SLIT2: variants seen among roughly 807,000 people sequenced by gnomAD.
SLIT2 encodes the protein slit homolog 2 protein.
SLIT2 carries 41 observed loss-of-function variants against 185.7 expected under a neutral mutation model. The observed-to-expected ratio is 0.22, with a 90% CI of 0.17 to 0.29. SLIT2 has a LOEUF of 0.29. Ranked by LOEUF, SLIT2 falls within the 10% of genes least tolerant of loss-of-function variation. The pLI is 1.00. For synonymous variants in SLIT2, 693 were observed against 680.2 expected (o/e 1.02, Z -0.29); for missense variants, 1,571 against 1,909.0 (o/e 0.82, Z 3.30).
chr4:20,533,551 G>T, intron 17 of SLIT2, 21 bp from the exon 18 acceptor site: 2 of 1,575,350 alleles, frequency 1.3e-6, no homozygotes, highest in African/African-American at 1.4e-5. Flanking sequence ...TAAAACCTTT[G>T]TTCCAACAAT....
chr4:20,335,707 C>T (rs1436906239), intron 4 of SLIT2, among the ~76,000 whole-genome samples: 2 of 151,978 alleles, frequency 1.3e-5, no homozygotes, highest in African/African-American at 4.8e-5. Context: ...TAAAACTGCT[C>T]AAGTACTCCT....
intron 11 of SLIT2, among the ~76,000 whole-genome samples, chr4:20,512,453 G>GT (rs1349220522): frequency 6.6e-6 from 1 of 152,142 alleles, no homozygotes; most frequent in Non-Finnish European, 1.5e-5. Context: ...ATCTGCTTGG[G>GT]TTCACTTTTG....
At chr4:20,267,546 T>C (rs1713160973) in intron 3 of SLIT2, among the ~76,000 whole-genome samples, 1 of 151,870 alleles carries the variant, frequency 6.6e-6, no homozygotes, top group Admixed American at 6.6e-5. Flanking sequence ...TTTAAAAAAT[T>C]ATATCATTTT....
chr4:20,587,997 A>C (rs1464182384), intron 29 of SLIT2, among the ~76,000 whole-genome samples: 1 of 152,218 alleles, frequency 6.6e-6, no homozygotes, highest in Non-Finnish European at 1.5e-5. Context: ...TAAACAGCCT[A>C]TATCTCCATC....
intron 4 of SLIT2, chr4:20,393,804 A>G (rs1244263602): frequency 6.6e-6 from 1 of 152,094 alleles, no homozygotes; most frequent in Non-Finnish European, 1.5e-5. Context: ...GCTTATGCTC[A>G]TCACTGAAAA....
At chr4:20,390,759 ATTT>A (rs67798474) in intron 4 of SLIT2, among the ~76,000 whole-genome samples, 188 of 148,664 alleles carry the variant, frequency 1.3e-3, no homozygotes, top group Admixed American at 2.4e-3. Context: ...AAAAGATCTT[ATTT>A]TTTTTTTTTA....
chr4:20,589,005 T>C (rs1346845610), intron 29 of SLIT2, among the ~76,000 whole-genome samples: 3 of 152,256 alleles, frequency 2.0e-5, no homozygotes, highest in Non-Finnish European at 2.9e-5. Flanking sequence ...CAAGTGTTTT[T>C]CTTATAGACT....
intron 9 of SLIT2, among the ~76,000 whole-genome samples, chr4:20,496,237 A>G (rs1718217003): frequency 6.7e-6 from 1 of 149,820 alleles, no homozygotes; most frequent in Non-Finnish European, 1.5e-5. Flanking sequence ...TCTGTTTCCA[A>G]CTACAAATTC....
chr4:20,491,255 A>T (rs1027920858), intron 8 of SLIT2, among the ~76,000 whole-genome samples: 1 of 152,144 alleles, frequency 6.6e-6, no homozygotes, highest in Non-Finnish European at 1.5e-5. Context: ...GGCTTATCTA[A>T]TTTTTCCCCA....
chr4:20,571,925 T>C (rs1307490538), intron 29 of SLIT2, among the ~76,000 whole-genome samples: 1 of 152,244 alleles, frequency 6.6e-6, no homozygotes, highest in East Asian at 1.9e-4. Flanking sequence ...ATTATGTCAA[T>C]GGAAACAAAT....
At chr4:20,326,452 C>T (rs1044573789) in intron 4 of SLIT2, among the ~76,000 whole-genome samples, 3 of 151,954 alleles carry the variant, frequency 2.0e-5, no homozygotes, top group Non-Finnish European at 4.4e-5. Flanking sequence ...GTACCAAATC[C>T]CATATGGATT....
At chr4:20,542,365 G>C (rs1191893720) in intron 20 of SLIT2, 129 bp from the exon 21 acceptor site, 2 of 885,404 alleles carry the variant, frequency 2.3e-6, no homozygotes, top group African/African-American at 3.3e-5. Context: ...AATACTGAAT[G>C]TCCCGCAAAT....
chr4:20,514,061 G>C (rs1719981504), intron 11 of SLIT2, among the ~76,000 whole-genome samples: 1 of 152,168 alleles, frequency 6.6e-6, no homozygotes, highest in Non-Finnish European at 1.5e-5. Flanking sequence ...AATTGTGCTG[G>C]AGATCATGAT....
chr4:20,554,101 G>T, intron 26 of SLIT2, 133 bp downstream of exon 26: 1 of 751,098 alleles, frequency 1.3e-6, no homozygotes, highest in East Asian at 2.7e-5. Flanking sequence ...CCCATGCTTG[G>T]ACAAGACAGA....
At chr4:20,316,918 G>C (rs1718644548) in intron 4 of SLIT2, among the ~76,000 whole-genome samples, 1 of 150,790 alleles carries the variant, frequency 6.6e-6, no homozygotes, top group Non-Finnish European at 1.5e-5. Flanking sequence ...AATCAAGCTG[G>C]CTGAATTATG....
rs527808296 is a variant in SLIT2 at position 20,416,526 on chromosome 4, G to A, written c.396-51226G>A. Among the ~76,000 whole-genome samples the A allele has an allele frequency of 5.7e-4, 87 of 151,878 alleles. No homozygotes were observed. The South Asian group carries it at 0.015, about 25-fold the overall frequency. ...TTTAATCCATAAAACCCTCTTTTGT[G>A]TAATGATTCTGAGATACTGAGAAAA... On this transcript the variant is annotated intron_variant, in intron 4 of 36. Coordinates refer to ENST00000504154, the MANE Select transcript of SLIT2 (RefSeq NM_004787.4).
chr4:20,280,849 T>TTTTTTTTTTTTTA (rs1714689258), intron 4 of SLIT2, among the ~76,000 whole-genome samples: 1 of 149,824 alleles, frequency 6.7e-6, no homozygotes, highest in African/African-American at 2.4e-5. Flanking sequence ...TTTTTTTTTT[T>TTTTTTTTTTTTTA]GAGACGGAGT....
chr4:20,546,007 A>G, intron 21 of SLIT2, 24 bp from the exon 22 acceptor site: 2 of 1,355,276 alleles, frequency 1.5e-6, no homozygotes, highest in South Asian at 1.3e-5. Context: ...TTGTAAGAAG[A>G]TAATATTGTT....
intron 26 of SLIT2, chr4:20,554,303 C>T (rs569266295): frequency 3.9e-5 from 18 of 467,046 alleles, no homozygotes; most frequent in Non-Finnish European, 6.4e-5. Context: ...GTGCCCTGCT[C>T]CTAGGGCTGC....
Sources: gnomAD v4.1 joint callset for allele counts (sites outside exome capture counted in the v4.1 genomes callset) on GRCh38, gnomAD v4.1.1 for gene constraint, MANE v1.5 for transcripts, NCBI Gene and HGNC (gene_info 2026-07-23, HGNC 2026-07-21) for gene names.